The following HCN1 variants were observed in gnomAD, a reference collection of about 807,000 sequenced individuals.
HCN1 encodes the protein hyperpolarization activated cyclic nucleotide gated potassium channel 1, also known as potassium/sodium hyperpolarization-activated cyclic nucleotide-gated channel 1.
A neutral mutation model predicts 78.9 loss-of-function variants in HCN1; 13 were observed. The ratio of observed to expected loss-of-function variants is 0.16; its 90% confidence interval spans 0.11 to 0.26. HCN1 has a LOEUF of 0.26. HCN1 is among the 10% of genes least tolerant of loss of function. HCN1 has a pLI of 1.00. For synonymous variants in HCN1, 552 were observed against 455.5 expected, an observed-to-expected ratio of 1.21 and a Z score of -2.70; for missense variants, 810 against 1,154.3, an observed-to-expected ratio of 0.70 and a Z score of 4.32.
chr5:45,295,491 G>T (rs1745470064), intron 6 of HCN1, among the ~76,000 whole-genome samples: 1 of 151,956 alleles, frequency 6.6e-6, no homozygotes, highest in Non-Finnish European at 1.5e-5. Flanking sequence ...ACTGGATGAG[G>T]TGGTGCATGA....
chr5:45,516,434 C>T (rs532194443), intron 2 of HCN1, among the ~76,000 whole-genome samples: 25 of 152,018 alleles, frequency 1.6e-4, no homozygotes, highest in Middle Eastern at 3.4e-3. Flanking sequence ...GTGATATTTT[C>T]TTCTTTTGTT....
intron 4 of HCN1, among the ~76,000 whole-genome samples, chr5:45,394,996 A>G (rs1739660409): frequency 6.6e-6 from 1 of 152,170 alleles, no homozygotes; most frequent in South Asian, 2.1e-4. Context: ...ATGATTCCAT[A>G]AGTGAATACA....
chr5:45,472,217 C>T (rs551394537), intron 2 of HCN1, among the ~76,000 whole-genome samples: 1 of 151,938 alleles, frequency 6.6e-6, no homozygotes, highest in East Asian at 1.9e-4. Flanking sequence ...GGTATACTAC[C>T]TTCCATCCTA....
rs528089984 is a variant in HCN1 at position 45,260,612 on chromosome 5, A to G, written c.*1309T>C. 2 of 152,728 alleles carry G rather than the reference A, an allele frequency of 1.3e-5. No homozygotes were observed. The highest frequency in any genetic ancestry group is 1.9e-4 in the East Asian group (1 of 5,188). 9.5% of individuals were successfully genotyped at this position (152,728 alleles called of 1,614,324 possible). ...TGTTCCCAAACAGACGTGATGCTGT[A>G]TTGAATTTATTTCTTTAAATTAATA... On this transcript the variant is annotated 3_prime_UTR_variant, in exon 8 of 8. Coordinates refer to ENST00000303230, the MANE Select transcript of HCN1 (RefSeq NM_021072.4).
intron 2 of HCN1, among the ~76,000 whole-genome samples, chr5:45,588,702 A>G (rs1044123806): frequency 3.3e-5 from 5 of 152,202 alleles, no homozygotes; most frequent in African/African-American, 1.2e-4. Flanking sequence ...TTCACCGACT[A>G]CTCACCAGGC....
intron 2 of HCN1, among the ~76,000 whole-genome samples, chr5:45,482,264 C>T (rs1233528282): frequency 6.6e-6 from 1 of 152,156 alleles, no homozygotes; most frequent in African/African-American, 2.4e-5. Context: ...CAAACAGTGG[C>T]AGCACCAACA....
At chr5:45,576,235 A>G (rs1199779485) in intron 2 of HCN1, 1 of 152,158 alleles carries the variant, frequency 6.6e-6, no homozygotes, top group Non-Finnish European at 1.5e-5. Context: ...GAAGTTGCTT[A>G]TAGATAAGTG....
chr5:45,602,199 C>T (rs747530866), intron 2 of HCN1, among the ~76,000 whole-genome samples: 3 of 152,072 alleles, frequency 2.0e-5, no homozygotes, highest in Non-Finnish European at 4.4e-5. Context: ...TTCCTAGCGG[C>T]ATGAGAATGG....
At chr5:45,307,364 C>T (rs530612097) in intron 5 of HCN1, among the ~76,000 whole-genome samples, 1 of 152,150 alleles carries the variant, frequency 6.6e-6, no homozygotes. Flanking sequence ...AGCATGGGGA[C>T]TTCCTTCAAA....
chr5:45,308,415 G>A (rs1343002228), intron 5 of HCN1, among the ~76,000 whole-genome samples: 1 of 152,062 alleles, frequency 6.6e-6, no homozygotes, highest in African/African-American at 2.4e-5. Context: ...TCATAGTTAA[G>A]AAAATAAATA....
At chr5:45,604,357 G>A (rs767191014) in intron 2 of HCN1, among the ~76,000 whole-genome samples, 12 of 151,782 alleles carry the variant, frequency 7.9e-5, no homozygotes, top group African/African-American at 1.7e-4. Context: ...TCTGGGTGGC[G>A]CTTACACACT....
At position 45,348,724 on chromosome 5, in the gene HCN1, T is replaced by G. The variant is rs191991119; in HGVS notation, c.1377+4376A>C. Among the ~76,000 whole-genome samples, 384 of 152,248 alleles carry G rather than the reference T, an allele frequency of 2.5e-3. 11 individuals are homozygous for G. In the East Asian group the frequency reaches 0.067, roughly 26 times the overall value. ...AAAAAAAAGGCAAGGGTTGCAATCC[T>G]AGTCTCTGATAAAACAGACGTTAAA... On this transcript the variant is annotated intron_variant, in intron 5 of 7. Transcript: ENST00000303230.
Position 45,665,239 on chromosome 5 carries a change from A to T in HCN1, c.426-19631T>A, listed in dbSNP as rs1746012645. Among the ~76,000 whole-genome samples, 3 of 147,078 alleles carry T rather than the reference A, an allele frequency of 2.0e-5. No homozygotes were observed. The South Asian group carries it at 6.5e-4, about 32-fold the overall frequency. On this transcript the variant is annotated intron_variant, in intron 1 of 7. Transcript: ENST00000303230. The stretch of plus-strand genomic sequence containing the variant: ...CACATGTTCTCACTCATAGGTGGGA[A>T]TTGAACAATGAGAACACATGGACAC...
At chr5:45,667,413 T>TA (rs1028699131) in intron 1 of HCN1, among the ~76,000 whole-genome samples, 2 of 151,820 alleles carry the variant, frequency 1.3e-5, no homozygotes, top group East Asian at 1.9e-4. Flanking sequence ...ATATCAGACT[T>TA]AAAAAAAATA....
chr5:45,350,958 A>G (rs1180481111), intron 5 of HCN1, among the ~76,000 whole-genome samples: 1 of 152,298 alleles, frequency 6.6e-6, no homozygotes, highest in African/African-American at 2.4e-5. Context: ...GCCCAAGGTA[A>G]TTTATAGATT....
chr5:45,312,812 CT>C (rs1371603810), intron 5 of HCN1, among the ~76,000 whole-genome samples: 1 of 152,082 alleles, frequency 6.6e-6, no homozygotes, highest in Non-Finnish European at 1.5e-5. Context: ...GGCAGTGAGG[CT>C]GGGGGAGGGG....
intron 6 of HCN1, among the ~76,000 whole-genome samples, chr5:45,290,549 CT>C (rs1745350042): frequency 6.6e-6 from 1 of 151,944 alleles, no homozygotes; most frequent in Admixed American, 6.6e-5. Context: ...AAATAAGACA[CT>C]TTTGTGTTTA....
At chr5:45,453,903 T>A (rs1740973729) in intron 3 of HCN1, among the ~76,000 whole-genome samples, 1 of 149,582 alleles carries the variant, frequency 6.7e-6, no homozygotes, top group South Asian at 2.1e-4. Context: ...AGCAAAATAC[T>A]TTTTTTTCTT....
intron 3 of HCN1, among the ~76,000 whole-genome samples, chr5:45,398,995 C>T (rs1429251085): frequency 2.0e-5 from 3 of 152,094 alleles, no homozygotes; most frequent in African/African-American, 7.2e-5. Flanking sequence ...AAGTTTACTG[C>T]CTGAGTGCCA....
Sources: gnomAD v4.1 joint callset for allele counts (sites outside exome capture counted in the v4.1 genomes callset) on GRCh38, gnomAD v4.1.1 for gene constraint, MANE v1.5 for transcripts, NCBI Gene and HGNC (gene_info 2026-07-23, HGNC 2026-07-21) for gene names.